The following GBF1 variants were observed in gnomAD, a reference collection of about 807,000 sequenced individuals.
GBF1 encodes the protein golgi brefeldin A resistant guanine nucleotide exchange factor 1, also known as Golgi-specific brefeldin A-resistance guanine nucleotide exchange factor 1.
Under a neutral mutation model 210.5 loss-of-function variants are expected in GBF1, and 114 were observed. The ratio of observed to expected loss-of-function variants is 0.54; its 90% CI spans 0.47 to 0.63. GBF1 has a LOEUF of 0.63. Ranked by LOEUF, GBF1 falls within the 30% of genes least tolerant of loss-of-function variation. The probability of loss-of-function intolerance (pLI) is 0.00; values close to 1 mark genes in which losing one functional copy is unlikely to be tolerated. For synonymous variants in GBF1, 850 were observed against 889.2 expected, an observed-to-expected ratio of 0.96 and a Z score of 0.78; for missense variants, 1,851 against 2,357.7, an observed-to-expected ratio of 0.79 and a Z score of 4.45.
At chr10:102,312,295 G>GAAAA (rs199516651) in intron 3 of GBF1, among the ~76,000 whole-genome samples, 1 of 129,014 alleles carries the variant, frequency 7.8e-6, no homozygotes, top group Non-Finnish European at 1.7e-5. Flanking sequence ...CTCTGTCTCA[G>GAAAA]AAAAAAAAAA....
At chr10:102,341,181 C>T (rs758162233) in intron 3 of GBF1, among the ~76,000 whole-genome samples, 7 of 152,104 alleles carry the variant, frequency 4.6e-5, no homozygotes, top group South Asian at 2.1e-4. Flanking sequence ...GATATACAGA[C>T]GGCAAATAAG....
At chr10:102,273,351 A>T (rs891300497) in intron 3 of GBF1, among the ~76,000 whole-genome samples, 1 of 152,188 alleles carries the variant, frequency 6.6e-6, no homozygotes, top group Non-Finnish European at 1.5e-5. Context: ...TAAATAAAAT[A>T]AAAAATAAAA....
the GBF1 span, among the ~76,000 whole-genome samples, chr10:102,238,459 T>G: frequency 6.6e-6 from 1 of 152,088 alleles, no homozygotes; most frequent in African/African-American, 2.4e-5. Flanking sequence ...CTCCCCAGAG[T>G]TCTCAGACAG....
At chr10:102,261,830 C>A (rs2073275809) in intron 3 of GBF1, among the ~76,000 whole-genome samples, 1 of 151,982 alleles carries the variant, frequency 6.6e-6, no homozygotes, top group South Asian at 2.1e-4. Context: ...CCATGTTGGC[C>A]AGGCTAGTCT....
Position 102,353,659 on chromosome 10 carries a change from G to C in GBF1, c.639+5G>C. The C allele has an allele frequency of 6.2e-7, 1 of 1,603,182 alleles. No individual in the cohort carries two copies. The highest frequency in any genetic ancestry group is 8.5e-7 in the Non-Finnish European group (1 of 1,170,068). ...GTGGGGACCAACATGAAGAAGGTAT[G>C]ATCTGAGAGCTGATCTGCTGTCCCT... is the stretch of plus-strand genomic sequence containing the variant. On this transcript the variant is annotated splice_donor_5th_base_variant and intron_variant, in intron 8 of 39. Transcript: ENST00000369983.
chr10:102,378,525 G>A (rs1232970441), intron 33 of GBF1, among the ~76,000 whole-genome samples: 1 of 152,068 alleles, frequency 6.6e-6, no homozygotes, highest in African/African-American at 2.4e-5. Context: ...TACTGGGGAG[G>A]CTGAGTAGCT....
intron 3 of GBF1, among the ~76,000 whole-genome samples, chr10:102,303,379 A>G (rs2077563720): frequency 6.6e-6 from 1 of 152,206 alleles, no homozygotes; most frequent in Admixed American, 6.5e-5. Flanking sequence ...TGAAAAGGCT[A>G]TTCCCCATTG....
chr10:102,351,873 G>A lies in GBF1; in HGVS notation c.445G>A (p.Gly149Ser), dbSNP rs761699302. ...ACGGACTCTGCTGCTAACCCCAGTG[G>A]GTGCCCACCTAACCAATGAATCTGT... is the stretch of plus-strand genomic sequence containing the variant. ...VLRTLLLTPVGAHLTNESVCE... is the reference protein window; with the variant it reads ...VLRTLLLTPVSAHLTNESVCE... Residue 149 changes from glycine (G) to serine (S), a missense_variant, in exon 6 of 40, where the codon GGT (glycine) becomes AGT (serine). Physicochemically the swap from Gly to Ser is moderately conservative, Grantham distance 56. Transcript: ENST00000369983. The A allele has an allele frequency of 6.2e-7, 1 of 1,609,130 alleles. No homozygotes were observed. Among genetic ancestry groups the A allele is most frequent in the Non-Finnish European group, 8.5e-7 (1 of 1,175,572 alleles).
chr10:102,310,959 C>T (rs1231121126), intron 3 of GBF1, among the ~76,000 whole-genome samples: 1 of 152,188 alleles, frequency 6.6e-6, no homozygotes, highest in African/African-American at 2.4e-5. Flanking sequence ...TACATGATGG[C>T]CTGGGGACTC....
At chr10:102,325,675 A>G (rs1483094326) in intron 3 of GBF1, among the ~76,000 whole-genome samples, 1 of 151,822 alleles carries the variant, frequency 6.6e-6, no homozygotes, top group Admixed American at 6.6e-5. Context: ...TTTAAGACAC[A>G]GTCTCACTCT....
chr10:102,282,245 T>A (rs1436296234), intron 3 of GBF1, among the ~76,000 whole-genome samples: 1 of 152,114 alleles, frequency 6.6e-6, no homozygotes, highest in Admixed American at 6.6e-5. Flanking sequence ...GCCTGTATTC[T>A]TTTCAAGTTT....
intron 3 of GBF1, among the ~76,000 whole-genome samples, chr10:102,263,248 A>G (rs1173338189): frequency 1.3e-5 from 2 of 152,152 alleles, no homozygotes; most frequent in African/African-American, 2.4e-5. Context: ...TGTCAGGAGG[A>G]CTGCTTTCCT....
chr10:102,357,910 G>C, intron 8 of GBF1, 129 bp from the exon 9 acceptor site: 1 of 699,068 alleles, frequency 1.4e-6, no homozygotes, highest in African/African-American at 1.8e-5. Flanking sequence ...TGATGGTCTA[G>C]AGTCTTACTT....
At chr10:102,338,024 A>G (rs1166651757) in intron 3 of GBF1, among the ~76,000 whole-genome samples, 1 of 152,132 alleles carries the variant, frequency 6.6e-6, no homozygotes, top group African/African-American at 2.4e-5. Flanking sequence ...CTCCCTAGAC[A>G]AAACTCTTTA....
chr10:102,337,923 C>G lies in GBF1; in HGVS notation c.164-6128C>G, dbSNP rs374792725. Among the ~76,000 whole-genome samples the G allele has an allele frequency of 6.6e-5, 10 of 152,226 alleles. No homozygotes were observed. The East Asian group carries it at 1.7e-3, about 26-fold the overall frequency. ...GCCCCACTAGGAGTTCAACTTGCCCCCAACCCCACTTGTTGCAGAGTTGCT... is the reference window on the plus strand; with the variant it reads ...GCCCCACTAGGAGTTCAACTTGCCCGCAACCCCACTTGTTGCAGAGTTGCT... On this transcript the variant is annotated intron_variant, in intron 3 of 39. Coordinates refer to ENST00000369983, the MANE Select transcript of GBF1 (RefSeq NM_001377137.1).
Position 102,285,139 on chromosome 10 carries a change from A to G in GBF1, c.163+25023A>G, listed in dbSNP as rs1335568392. Among the ~76,000 whole-genome samples the G allele has an allele frequency of 5.3e-5, 8 of 152,338 alleles. No individual in the cohort carries two copies. In the East Asian group the frequency reaches 1.5e-3, roughly 29 times the overall value. On this transcript the variant is annotated intron_variant, in intron 3 of 39. Coordinates refer to ENST00000369983, the MANE Select transcript of GBF1 (RefSeq NM_001377137.1). ...AAAATTTCCAATAAACAGCGAACAC[A>G]GATTTTACAGATTTTACAGGTTGCC...
At chr10:102,269,938 G>A (rs940339674) in intron 3 of GBF1, among the ~76,000 whole-genome samples, 6 of 151,720 alleles carry the variant, frequency 4.0e-5, no homozygotes, top group African/African-American at 1.5e-4. Flanking sequence ...GAGTGCAGTG[G>A]CGCGATCTCA....
At chr10:102,275,822 C>A (rs2074906592) in intron 3 of GBF1, among the ~76,000 whole-genome samples, 1 of 152,194 alleles carries the variant, frequency 6.6e-6, no homozygotes, top group Non-Finnish European at 1.5e-5. Flanking sequence ...TGGACAGAAG[C>A]ATTGTAGGGA....
chr10:102,360,475 A>G, intron 12 of GBF1, 80 bp downstream of exon 12: 1 of 928,918 alleles, frequency 1.1e-6, no homozygotes, highest in African/African-American at 1.6e-5. Context: ...GATTACGCAA[A>G]GAGTATAGGA....
Sources: gnomAD v4.1 joint callset for allele counts (sites outside exome capture counted in the v4.1 genomes callset) on GRCh38, gnomAD v4.1.1 for gene constraint, MANE v1.5 for transcripts, NCBI Gene and HGNC (gene_info 2026-07-23, HGNC 2026-07-21) for gene names.